The following CENPW variants were observed in gnomAD, a reference collection of about 807,000 sequenced individuals.
CENPW encodes centromere protein W.
Under a neutral mutation model 11.1 loss-of-function variants are expected in CENPW, and 3 were observed. That is an observed-to-expected ratio of 0.27 (90% CI 0.12 to 0.70). The LOEUF (loss-of-function observed/expected upper bound fraction) is 0.70. Ranked by LOEUF, CENPW falls within the 30% of genes least tolerant of loss-of-function variation. CENPW has a pLI of 0.77. For missense variants in CENPW, 100 were observed against 105.6 expected, an observed-to-expected ratio of 0.95 and a Z score of 0.23; for synonymous variants, 38 against 42.0, an observed-to-expected ratio of 0.91 and a Z score of 0.37.
the CENPW span, among the ~76,000 whole-genome samples, chr6:126,357,887 G>A: frequency 6.6e-6 from 1 of 152,144 alleles, no homozygotes; most frequent in Non-Finnish European, 1.5e-5. Context: ...AATTACAGGT[G>A]TGAGCCACCA....
At chr6:126,374,369 A>G in the CENPW span, among the ~76,000 whole-genome samples, 3 of 152,212 alleles carry the variant, frequency 2.0e-5, no homozygotes, top group African/African-American at 7.2e-5. Flanking sequence ...CTTTGGGTTT[A>G]GAAATAAAAT....
chr6:126,397,727 G>A, the CENPW span, among the ~76,000 whole-genome samples: 2 of 151,992 alleles, frequency 1.3e-5, no homozygotes, highest in Non-Finnish European at 2.9e-5. Context: ...ACCCTTTAAA[G>A]TTCCCCATTG....
At chr6:126,351,143 AGAGT>A (rs1353992642), downstream of CENPW, among the ~76,000 whole-genome samples, 3 of 115,768 alleles carry the variant, frequency 2.6e-5, no homozygotes, top group African/African-American at 8.1e-5. Flanking sequence ...AGAAAGAGAG[AGAGT>A]GAGTGTGTGT....
chr6:126,463,976 A>G, the CENPW span, among the ~76,000 whole-genome samples: 10 of 152,170 alleles, frequency 6.6e-5, no homozygotes, highest in African/African-American at 2.2e-4. Flanking sequence ...TTATATCAAA[A>G]CCAGACAGAG....
At chr6:126,427,147 C>T in the CENPW span, among the ~76,000 whole-genome samples, 1 of 152,118 alleles carries the variant, frequency 6.6e-6, no homozygotes, top group Non-Finnish European at 1.5e-5. Context: ...GCACTGGGCT[C>T]ACCTTCCAAG....
the CENPW span, among the ~76,000 whole-genome samples, chr6:126,454,089 A>G: frequency 1.3e-5 from 2 of 151,484 alleles, no homozygotes; most frequent in Admixed American, 6.6e-5. Flanking sequence ...TTAGAGCCCT[A>G]CAAAGAGACT....
rs115648774 is a variant in CENPW at position 126,347,188 on chromosome 6, T to C, written c.240+870T>C. ...ACAGTATTATTGTAGAACTTGTTTC[T>C]GTAAGAATATGTAAGAAACTGGCAA... On this transcript the variant is annotated intron_variant, in intron 2 of 2. Transcript: ENST00000368328. Among the ~76,000 whole-genome samples, 1,090 of 152,278 alleles carry C rather than the reference T, an allele frequency of 7.2e-3. 12 individuals are homozygous for C. The highest frequency in any genetic ancestry group is 0.025 in the African/African-American group (1,022 of 41,542).
At chr6:126,368,650 G>GTTT in the CENPW span, among the ~76,000 whole-genome samples, 1 of 144,390 alleles carries the variant, frequency 6.9e-6, no homozygotes, top group Non-Finnish European at 1.5e-5. Context: ...CCAATGTGTA[G>GTTT]TTTTTTTTTT....
intron 1 of CENPW, 160 bp downstream of exon 1, chr6:126,340,559 C>A: frequency 1.0e-6 from 1 of 953,168 alleles, no homozygotes; most frequent in Non-Finnish European, 1.6e-6. Context: ...CCCACCCTGG[C>A]ATGTCAGTTC....
chr6:126,366,093 A>G, the CENPW span, among the ~76,000 whole-genome samples: 1 of 152,214 alleles, frequency 6.6e-6, no homozygotes, highest in Non-Finnish European at 1.5e-5. Context: ...GTCAACTATG[A>G]AAATAAAGTT....
chr6:126,472,456 T>C, the CENPW span, among the ~76,000 whole-genome samples: 1 of 152,204 alleles, frequency 6.6e-6, no homozygotes, highest in South Asian at 2.1e-4. Context: ...GCATAATGAA[T>C]TGTGACTTAC....
chr6:126,417,802 A>C, the CENPW span, among the ~76,000 whole-genome samples: 1 of 152,180 alleles, frequency 6.6e-6, no homozygotes, highest in Non-Finnish European at 1.5e-5. Flanking sequence ...GTAATATGAA[A>C]AGGTGCCAGA....
the CENPW span, among the ~76,000 whole-genome samples, chr6:126,478,889 A>G: frequency 2.6e-5 from 4 of 151,998 alleles, no homozygotes; most frequent in Non-Finnish European, 4.4e-5. Flanking sequence ...AATGAAGAAA[A>G]CTTTGGCTTC....
the CENPW span, among the ~76,000 whole-genome samples, chr6:126,362,884 G>A: frequency 1.3e-5 from 2 of 152,088 alleles, no homozygotes; most frequent in Non-Finnish European, 2.9e-5. Flanking sequence ...ACCCATAAGA[G>A]AAATACTGCT....
the CENPW span, among the ~76,000 whole-genome samples, chr6:126,482,775 G>A: frequency 6.6e-6 from 1 of 151,774 alleles, no homozygotes; most frequent in Non-Finnish European, 1.5e-5. Context: ...TTGATATTTG[G>A]TAGTATAAGT....
chr6:126,383,483 C>G, the CENPW span, among the ~76,000 whole-genome samples: 30 of 152,072 alleles, frequency 2.0e-4, no homozygotes, highest in African/African-American at 6.7e-4. Flanking sequence ...GAGTAGAAAG[C>G]TGGATAAAGA....
the CENPW span, among the ~76,000 whole-genome samples, chr6:126,408,335 G>C: frequency 2.0e-5 from 3 of 152,254 alleles, no homozygotes; most frequent in East Asian, 3.9e-4. Flanking sequence ...GGAAGATGTA[G>C]GAGGAGCAAA....
the CENPW span, among the ~76,000 whole-genome samples, chr6:126,462,173 G>A: frequency 6.6e-6 from 1 of 151,856 alleles, no homozygotes; most frequent in East Asian, 1.9e-4. Context: ...TTTATCATAT[G>A]TATTTAAGGT....
At chr6:126,379,087 T>G in the CENPW span, among the ~76,000 whole-genome samples, 1 of 152,178 alleles carries the variant, frequency 6.6e-6, no homozygotes, top group Admixed American at 6.5e-5. Flanking sequence ...CTGATTGAAA[T>G]TTTTTAACTT....
Sources: gnomAD v4.1 joint callset for allele counts (sites outside exome capture counted in the v4.1 genomes callset) on GRCh38, gnomAD v4.1.1 for gene constraint, MANE v1.5 for transcripts, NCBI Gene and HGNC (gene_info 2026-07-23, HGNC 2026-07-21) for gene names.